KPNA1: variants seen among roughly 807,000 people sequenced by gnomAD.
KPNA1 encodes the protein importin subunit alpha-5.
KPNA1 carries 10 observed loss-of-function variants against 70.5 expected under a neutral mutation model. That is an observed-to-expected ratio of 0.14 (90% CI 0.09 to 0.24). The LOEUF is 0.24. Ranked by LOEUF, KPNA1 falls within the 10% of genes least tolerant of loss-of-function variation. The pLI, the probability that KPNA1 is intolerant of heterozygous loss-of-function variation, is 1.00. For missense variants in KPNA1, 397 were observed against 637.9 expected, an observed-to-expected ratio of 0.62 and a Z score of 4.07; for synonymous variants, 192 against 221.9, an observed-to-expected ratio of 0.87 and a Z score of 1.20.
chr3:122,504,016 T>G (rs977739400), intron 1 of KPNA1, among the ~76,000 whole-genome samples: 34 of 152,184 alleles, frequency 2.2e-4, no homozygotes, highest in African/African-American at 8.2e-4. Flanking sequence ...TATGATACAA[T>G]AGTAGTTAAT....
chr3:122,495,766 C>T (rs375085657), intron 2 of KPNA1, among the ~76,000 whole-genome samples: 5 of 140,234 alleles, frequency 3.6e-5, no homozygotes, highest in East Asian at 2.2e-4. Flanking sequence ...AGCCTTATGT[C>T]TTTTCATTTC....
At chr3:122,469,210 C>G (rs1305896543) in intron 2 of KPNA1, among the ~76,000 whole-genome samples, 1 of 152,108 alleles carries the variant, frequency 6.6e-6, no homozygotes, top group African/African-American at 2.4e-5. Context: ...AACAAAAGCC[C>G]ACCAAGAGTT....
chr3:122,464,538 G>C (rs553608347), intron 3 of KPNA1, among the ~76,000 whole-genome samples: 1 of 152,106 alleles, frequency 6.6e-6, no homozygotes, highest in African/African-American at 2.4e-5. Flanking sequence ...CTATCACTAA[G>C]GGCTGGTGTA....
At chr3:122,470,021 T>G (rs887019952) in intron 2 of KPNA1, among the ~76,000 whole-genome samples, 2 of 152,064 alleles carry the variant, frequency 1.3e-5, no homozygotes, top group Admixed American at 1.3e-4. Flanking sequence ...ACGAAATTCT[T>G]TGGCAAAAAG....
chr3:122,424,056 G>A lies in KPNA1; in HGVS notation c.*2929C>T, dbSNP rs150215704. On this transcript the variant is annotated 3_prime_UTR_variant, in exon 14 of 14. Coordinates refer to ENST00000344337, the MANE Select transcript of KPNA1 (RefSeq NM_002264.4). ...CTCAATCCAACCACATCTACCTGCT[G>A]GTCCATCAGATACCAGATGCCTTTA... 9.9e-5 allele frequency: 15 copies of A among 152,104 alleles called. No individual in the cohort carries two copies. The East Asian group carries it at 2.9e-3, about 29-fold the overall frequency. The allele number at this position is 152,104 out of a possible 1,614,324, so 9.4% of individuals were successfully genotyped here.
chr3:122,478,932 C>G (rs1343154746), intron 2 of KPNA1, among the ~76,000 whole-genome samples: 1 of 89,738 alleles, frequency 1.1e-5, no homozygotes, highest in Admixed American at 1.0e-4. Context: ...AACTAAAAAA[C>G]TCCTAAAAGG....
Position 122,426,819 on chromosome 3 carries a change from T to A in KPNA1, c.*166A>T. 4 of 490,894 alleles carry A rather than the reference T, an allele frequency of 8.1e-6. No individual in the cohort carries two copies. The highest frequency in any genetic ancestry group is 8.6e-5 in the South Asian group (2 of 23,364). 30.4% of individuals were successfully genotyped at this position (490,894 alleles called of 1,614,324 possible). On this transcript the variant is annotated 3_prime_UTR_variant, in exon 14 of 14. Coordinates refer to ENST00000344337, the MANE Select transcript of KPNA1 (RefSeq NM_002264.4). ...GTATTCCACCACAGAGAGCCGGAGG[T>A]TTTCCAGATGTGTGTAAGAGAGCAG...
At chr3:122,458,422 G>C (rs1486457410) in intron 5 of KPNA1, among the ~76,000 whole-genome samples, 1 of 152,178 alleles carries the variant, frequency 6.6e-6, no homozygotes. Context: ...GCTCAAAGCA[G>C]GCACTTTTAT....
intron 2 of KPNA1, among the ~76,000 whole-genome samples, chr3:122,491,722 C>A (rs539082461): frequency 6.6e-6 from 1 of 152,062 alleles, no homozygotes; most frequent in Admixed American, 6.5e-5. Flanking sequence ...GAAATAATCC[C>A]AAAAAGGTAA....
In KPNA1 at chr3:122,442,222, C is replaced by G. The variant is rs1024729991; in HGVS notation, c.918-106G>C. On this transcript the variant is annotated intron_variant, in intron 9 of 13. Transcript: ENST00000344337. ...AAAAAATTGTGATAGAATTTTAGAG[C>G]AGAAATGTACCCATGGGGCTAATTA... 4.1e-5 allele frequency: 33 copies of G among 812,800 alleles called. 1 individual carries two copies. The highest frequency in any genetic ancestry group is 2.9e-5 in the Non-Finnish European group (14 of 478,670). 50.3% of individuals were successfully genotyped at this position (812,800 alleles called of 1,614,324 possible).
At chr3:122,435,041 C>G (rs1435014760) in intron 11 of KPNA1, among the ~76,000 whole-genome samples, 1 of 152,188 alleles carries the variant, frequency 6.6e-6, no homozygotes, top group Non-Finnish European at 1.5e-5. Context: ...GACACCTAAT[C>G]CCGGTCCTGT....
intron 2 of KPNA1, among the ~76,000 whole-genome samples, chr3:122,476,271 C>T (rs2076496651): frequency 6.6e-6 from 1 of 152,068 alleles, no homozygotes; most frequent in East Asian, 1.9e-4. Flanking sequence ...TTATCCCACA[C>T]CATAAACAAA....
At position 122,425,045 on chromosome 3, in the gene KPNA1, T is replaced by C. The variant is rs894126066; in HGVS notation, c.*1940A>G. 2 of 152,584 alleles carry C rather than the reference T, an allele frequency of 1.3e-5. No homozygotes were observed. Among genetic ancestry groups the C allele is most frequent in the African/African-American group, 4.8e-5 (2 of 41,456 alleles). 9.5% of individuals were successfully genotyped at this position (152,584 alleles called of 1,614,324 possible). A position where few individuals can be genotyped will look rare whatever the true frequency, so the allele number is the denominator to read the frequency against. On this transcript the variant is annotated 3_prime_UTR_variant, in exon 14 of 14. Transcript: ENST00000344337. Reference sequence around the variant, plus strand: ...GCAGCACTAGAAAAAGTAACAGTTATAGATGGGAGTTGACTAGTTTTGCAG... The same window carrying C: ...GCAGCACTAGAAAAAGTAACAGTTACAGATGGGAGTTGACTAGTTTTGCAG...
intron 1 of KPNA1, among the ~76,000 whole-genome samples, chr3:122,497,366 G>T (rs1488058043): frequency 1.3e-5 from 2 of 152,042 alleles, no homozygotes; most frequent in African/African-American, 4.8e-5. Flanking sequence ...CCACCTTTCA[G>T]CTATTATGAA....
chr3:122,454,047 GTTTGT>G, intron 5 of KPNA1, 46 bp from the exon 6 acceptor site: 3 of 1,382,076 alleles, frequency 2.2e-6, no homozygotes, highest in Non-Finnish European at 3.0e-6. Context: ...GAATGTAAAA[GTTTGT>G]TTACTTATAA....
chr3:122,429,109 G>A (rs867293591), intron 12 of KPNA1, among the ~76,000 whole-genome samples: 37 of 151,970 alleles, frequency 2.4e-4, no homozygotes, highest in South Asian at 6.2e-4. Flanking sequence ...TCATTTCAAC[G>A]GATGCAAAAA....
At chr3:122,455,604 G>A (rs555664754) in intron 5 of KPNA1, among the ~76,000 whole-genome samples, 2 of 152,096 alleles carry the variant, frequency 1.3e-5, no homozygotes, top group East Asian at 1.9e-4. Context: ...TGCCCAGGCT[G>A]GAGTGCAATG....
At chr3:122,469,199 T>C (rs1032324237) in intron 2 of KPNA1, among the ~76,000 whole-genome samples, 2 of 152,254 alleles carry the variant, frequency 1.3e-5, no homozygotes, top group East Asian at 1.9e-4. Context: ...GGCTGGAATC[T>C]AACAAAAGCC....
intron 10 of KPNA1, among the ~76,000 whole-genome samples, chr3:122,441,136 T>C (rs189819495): frequency 6.6e-6 from 1 of 152,266 alleles, no homozygotes; most frequent in African/African-American, 2.4e-5. Flanking sequence ...GATTGCCCCG[T>C]GGAAGATGTC....
Sources: gnomAD v4.1 joint callset for allele counts (sites outside exome capture counted in the v4.1 genomes callset) on GRCh38, gnomAD v4.1.1 for gene constraint, MANE v1.5 for transcripts, NCBI Gene and HGNC (gene_info 2026-07-23, HGNC 2026-07-21) for gene names.